The following LPGAT1 variants were observed in gnomAD, a reference collection of about 807,000 sequenced individuals.
LPGAT1 encodes the protein acyl-CoA:lysophosphatidylglycerol acyltransferase 1.
LPGAT1 carries 11 observed loss-of-function variants against 47.5 expected under a neutral mutation model. The ratio of observed to expected loss-of-function variants is 0.23; its 90% confidence interval spans 0.15 to 0.38. LPGAT1 has a LOEUF of 0.38. Among genes scored for constraint, LPGAT1 ranks in the 10% least tolerant of loss-of-function variants. LPGAT1 has a pLI of 1.00. For synonymous variants in LPGAT1, 138 were observed against 144.2 expected (o/e 0.96, Z 0.31); for missense variants, 293 against 439.0 (o/e 0.67, Z 2.97).
chr1:211,755,817 A>G (rs1258533310), intron 6 of LPGAT1, among the ~76,000 whole-genome samples: 2 of 152,250 alleles, frequency 1.3e-5, no homozygotes, highest in Non-Finnish European at 2.9e-5. Context: ...CCCATTCTTA[A>G]TAACCTTCTA....
chr1:211,768,348 T>G (rs555568278), intron 6 of LPGAT1, among the ~76,000 whole-genome samples: 1 of 152,346 alleles, frequency 6.6e-6, no homozygotes, highest in African/African-American at 2.4e-5. Flanking sequence ...TTATTTTTAA[T>G]TGAAGAATAC....
intron 6 of LPGAT1, among the ~76,000 whole-genome samples, chr1:211,770,070 C>T (rs1051822652): frequency 1.3e-5 from 2 of 152,250 alleles, no homozygotes; most frequent in African/African-American, 4.8e-5. Flanking sequence ...TTGAAGAATA[C>T]ATGATATTTT....
At chr1:211,785,843 G>T (rs1658856317) in intron 4 of LPGAT1, among the ~76,000 whole-genome samples, 1 of 152,060 alleles carries the variant, frequency 6.6e-6, no homozygotes, top group African/African-American at 2.4e-5. Context: ...CTGGCCTCAA[G>T]CAATCTGTCC....
At chr1:211,761,695 A>T (rs1657704688) in intron 6 of LPGAT1, among the ~76,000 whole-genome samples, 1 of 152,252 alleles carries the variant, frequency 6.6e-6, no homozygotes. Flanking sequence ...AGAGATACAA[A>T]TAGTTAGCTT....
intron 2 of LPGAT1, among the ~76,000 whole-genome samples, chr1:211,794,021 C>T (rs1659248297): frequency 6.6e-6 from 1 of 152,162 alleles, no homozygotes; most frequent in Non-Finnish European, 1.5e-5. Context: ...GAATACCATC[C>T]ATGTGTTGTT....
chr1:211,774,365 C>T (rs1658305884), intron 6 of LPGAT1, among the ~76,000 whole-genome samples: 1 of 152,090 alleles, frequency 6.6e-6, no homozygotes, highest in South Asian at 2.1e-4. Context: ...ATCTGCCCAT[C>T]TCAGCCTCCC....
rs151259797 is a variant in LPGAT1, at chr1:211,829,447, T to C, written c.-27-124A>G. On this transcript the variant is annotated intron_variant, in intron 1 of 7. Transcript: ENST00000366997. ...GAGGGTCGAAGCTTTCCGGGTGTAG[T>C]ACCTCGGTGATCTCTCAGGGGAAAT... is the stretch of plus-strand genomic sequence containing the variant. The C allele has an allele frequency of 4.2e-3, 6,172 of 1,457,364 alleles. 21 individuals are homozygous for C. The highest frequency in any genetic ancestry group is 9.9e-3 in the Middle Eastern group (40 of 4,040). 90.3% of individuals were successfully genotyped at this position (1,457,364 alleles called of 1,614,324 possible).
In LPGAT1 at chr1:211,787,673, C is replaced by T; in HGVS notation, c.412G>A (p.Gly138Arg). ...TCTCCATGAACTAGAGAAACAATTC[C>T]AAAGTTTGTGTACTTAAAAATATGA... ...MDHIFKYTNF[G>R]IVSLVHGDFF... Residue 138 changes from glycine to arginine, a missense_variant, in exon 4 of 8, where the codon GGA (glycine) becomes AGA (arginine). Physicochemically the swap from Gly to Arg is moderately radical, Grantham distance 125. Transcript: ENST00000366997. The T allele has an allele frequency of 6.2e-7, 1 of 1,609,722 alleles. No individual in the cohort carries two copies.
chr1:211,830,549 T>A lies in LPGAT1; in HGVS notation c.-28+24A>T. 1.8e-6 allele frequency: 2 copies of A among 1,083,816 alleles called. No homozygotes were observed. The highest frequency in any genetic ancestry group is 2.2e-6 in the Non-Finnish European group (2 of 892,934). 67.1% of individuals were successfully genotyped at this position (1,083,816 alleles called of 1,614,324 possible). ...CCGGCTCCGCTGCCGCTCTGGGGCC[T>A]GCGACCGCGGAGCCGGAGGTTACCT... On this transcript the variant is annotated intron_variant, in intron 1 of 7. Coordinates refer to ENST00000366997, the MANE Select transcript of LPGAT1 (RefSeq NM_014873.3). The surrounding 1 kb of genome is among the most constrained non-coding windows in gnomAD (Gnocchi z 5.9).
At chr1:211,767,721 G>C (rs972833567) in intron 6 of LPGAT1, among the ~76,000 whole-genome samples, 16 of 152,132 alleles carry the variant, frequency 1.1e-4, no homozygotes, top group Admixed American at 1.3e-4. Flanking sequence ...TTAGATAGCT[G>C]AAGTAGAGAT....
At chr1:211,793,025 T>C (rs1659198509) in intron 3 of LPGAT1, 47 bp downstream of exon 3, 1 of 1,360,112 alleles carries the variant, frequency 7.4e-7, no homozygotes. Flanking sequence ...GATTCCTTTT[T>C]AACCTTCCTT....
Position 211,794,263 on chromosome 1 carries a change from G to C in LPGAT1, c.239-1073C>G, listed in dbSNP as rs141380150. Reference sequence around the variant, plus strand: ...TACGTACATTCTAAGGGAAACAGTGGTATTTCTATGTAGTTATGCCTCATT... The same window carrying C: ...TACGTACATTCTAAGGGAAACAGTGCTATTTCTATGTAGTTATGCCTCATT... On this transcript the variant is annotated intron_variant, in intron 2 of 7. Transcript: ENST00000366997. Among the ~76,000 whole-genome samples the C allele has an allele frequency of 2.5e-3, 373 of 152,218 alleles. 3 individuals are homozygous for C. The highest frequency in any genetic ancestry group is 8.3e-3 in the African/African-American group (346 of 41,540).
chr1:211,829,865 T>C (rs1195316611), intron 1 of LPGAT1: 5 of 955,990 alleles, frequency 5.2e-6, no homozygotes, highest in Non-Finnish European at 6.1e-6. Context: ...GGGTTTTTGT[T>C]TCCCTTTTTT....
chr1:211,776,782 A>G (rs968272458), intron 6 of LPGAT1, among the ~76,000 whole-genome samples: 2 of 151,730 alleles, frequency 1.3e-5, no homozygotes, highest in Non-Finnish European at 2.9e-5. Flanking sequence ...ATAGTTTTTC[A>G]AATCTCCCCA....
intron 2 of LPGAT1, among the ~76,000 whole-genome samples, chr1:211,814,323 C>T (rs1353581172): frequency 1.3e-5 from 2 of 152,108 alleles, no homozygotes; most frequent in Non-Finnish European, 2.9e-5. Context: ...GAAACTGGAG[C>T]AGTGTGGAAG....
At chr1:211,797,633 T>A (rs1274468761) in intron 2 of LPGAT1, among the ~76,000 whole-genome samples, 1 of 152,194 alleles carries the variant, frequency 6.6e-6, no homozygotes, top group East Asian at 1.9e-4. Flanking sequence ...ATTACACAGA[T>A]GAAGTAGCTA....
intron 6 of LPGAT1, among the ~76,000 whole-genome samples, chr1:211,760,226 G>A (rs1412373608): frequency 2.0e-5 from 3 of 152,224 alleles, no homozygotes; most frequent in South Asian, 2.1e-4. Flanking sequence ...TTGGGATGCC[G>A]AGGTAGGCAG....
intron 6 of LPGAT1, among the ~76,000 whole-genome samples, chr1:211,754,862 A>T (rs1289255312): frequency 6.6e-6 from 1 of 151,972 alleles, no homozygotes; most frequent in East Asian, 1.9e-4. Context: ...AAAAATAAAA[A>T]AAATTAGCCA....
At position 211,752,422 on chromosome 1, in the gene LPGAT1, G is replaced by T. The variant is rs150568475; in HGVS notation, c.855-1355C>A. On this transcript the variant is annotated intron_variant, in intron 6 of 7. Transcript: ENST00000366997. ...GACCTTGATCTGAGTCACGAAGCAT[G>T]TAGTTGCAACTTCTGCTTCTTATAG... Among the ~76,000 whole-genome samples the T allele has an allele frequency of 9.5e-3, 1,442 of 151,724 alleles. 14 individuals are homozygous for T. Among genetic ancestry groups the T allele is most frequent in the Non-Finnish European group, 0.016 (1,068 of 67,882 alleles).
Sources: gnomAD v4.1 joint callset for allele counts (sites outside exome capture counted in the v4.1 genomes callset) on GRCh38, gnomAD v4.1.1 for gene constraint, Gnocchi (gnomAD v3.1) non-coding constraint, MANE v1.5 for transcripts, NCBI Gene and HGNC (gene_info 2026-07-23, HGNC 2026-07-21) for gene names.